SORCS3: variants seen among roughly 807,000 people sequenced by gnomAD.
SORCS3 encodes VPS10 domain-containing receptor SorCS3.
In SORCS3, 57 loss-of-function variants were observed where a neutral mutation model predicts 146.3. The ratio of observed to expected loss-of-function variants is 0.39; its 90% CI spans 0.31 to 0.49. SORCS3 has a LOEUF of 0.49. Ranked by LOEUF, SORCS3 falls within the 20% of genes least tolerant of loss-of-function variation. SORCS3 has a pLI of 0.92. For missense variants in SORCS3, 1,341 were observed against 1,575.5 expected (o/e 0.85, Z 2.52); for synonymous variants, 653 against 618.5 (o/e 1.06, Z -0.83).
intron 5 of SORCS3, among the ~76,000 whole-genome samples, chr10:105,079,842 G>A (rs1440738842): frequency 6.6e-6 from 1 of 152,162 alleles, no homozygotes; most frequent in Non-Finnish European, 1.5e-5. Flanking sequence ...AGTTTGCTAA[G>A]AAGAATTACC....
chr10:105,247,064 G>A (rs2056870634), intron 21 of SORCS3, among the ~76,000 whole-genome samples, 155 bp from the exon 22 acceptor site: 1 of 152,204 alleles, frequency 6.6e-6, no homozygotes, highest in African/African-American at 2.4e-5. Context: ...TATTTCAGAA[G>A]TCAGGAAACA....
At chr10:105,035,304 T>G (rs1353504021) in intron 4 of SORCS3, among the ~76,000 whole-genome samples, 1 of 152,192 alleles carries the variant, frequency 6.6e-6, no homozygotes, top group Non-Finnish European at 1.5e-5. Context: ...TGCACTTGTG[T>G]TTAAGATCAA....
At chr10:105,105,288 T>C in intron 6 of SORCS3, 109 bp from the exon 7 acceptor site, 4 of 644,966 alleles carry the variant, frequency 6.2e-6, no homozygotes, top group Non-Finnish European at 1.1e-5. Context: ...CTCACTGTTA[T>C]TTTAAATTAC....
chr10:104,726,831 C>A (rs1281706938), intron 1 of SORCS3, among the ~76,000 whole-genome samples: 1 of 152,148 alleles, frequency 6.6e-6, no homozygotes, highest in African/African-American at 2.4e-5. Context: ...GCTTCTCCCC[C>A]AGAATAGGAC....
At chr10:105,072,977 C>T (rs1330963976) in intron 5 of SORCS3, among the ~76,000 whole-genome samples, 1 of 152,142 alleles carries the variant, frequency 6.6e-6, no homozygotes, top group Non-Finnish European at 1.5e-5. Flanking sequence ...GTTATTCCCT[C>T]TTCAGAGACA....
chr10:104,673,566 T>G (rs1389200265), intron 1 of SORCS3, among the ~76,000 whole-genome samples: 1 of 151,940 alleles, frequency 6.6e-6, no homozygotes, highest in Non-Finnish European at 1.5e-5. Context: ...TGGGGACAAG[T>G]GATCCTCCTG....
chr10:104,919,076 G>C (rs1197963898), intron 3 of SORCS3, among the ~76,000 whole-genome samples: 1 of 152,222 alleles, frequency 6.6e-6, no homozygotes, highest in Non-Finnish European at 1.5e-5. Context: ...GGCAGATTCT[G>C]TGGGTTGGAA....
intron 3 of SORCS3, among the ~76,000 whole-genome samples, chr10:104,970,222 C>A (rs2054852258): frequency 6.6e-6 from 1 of 152,106 alleles, no homozygotes; most frequent in Admixed American, 6.5e-5. Flanking sequence ...TCTTGGCTCA[C>A]TGCAACCTCC....
At chr10:104,789,509 C>T (rs1013239908) in intron 1 of SORCS3, among the ~76,000 whole-genome samples, 12 of 152,178 alleles carry the variant, frequency 7.9e-5, no homozygotes, top group Admixed American at 2.6e-4. Context: ...ACACATCTCT[C>T]CCTGGGCTTT....
At chr10:105,111,694 C>T (rs1331380876) in intron 7 of SORCS3, among the ~76,000 whole-genome samples, 1 of 152,146 alleles carries the variant, frequency 6.6e-6, no homozygotes, top group Non-Finnish European at 1.5e-5. Context: ...ATACATTCAG[C>T]CCAGTGGGAA....
chr10:104,839,145 C>T (rs763829286), intron 1 of SORCS3, among the ~76,000 whole-genome samples: 3 of 152,116 alleles, frequency 2.0e-5, no homozygotes, highest in Non-Finnish European at 2.9e-5. Context: ...ATATGCTGAG[C>T]CTGTGAAGGA....
intron 8 of SORCS3, 130 bp downstream of exon 8, chr10:105,139,616 C>G: frequency 3.0e-6 from 2 of 666,204 alleles, no homozygotes; most frequent in South Asian, 3.9e-5. Context: ...CACTCACCAC[C>G]AAGTCGTTTG....
intron 1 of SORCS3, chr10:104,665,413 C>T (rs1371452474): frequency 6.6e-6 from 1 of 152,082 alleles, no homozygotes; most frequent in Non-Finnish European, 1.5e-5. Context: ...CCAAGGGAGA[C>T]CTTTTATGGA....
At chr10:105,218,655 A>T (rs1441980579) in intron 19 of SORCS3, among the ~76,000 whole-genome samples, 2 of 152,210 alleles carry the variant, frequency 1.3e-5, no homozygotes, top group Non-Finnish European at 2.9e-5. Context: ...TTGAATTCTG[A>T]TCACATTCCT....
At chr10:105,262,947 G>C (rs1334365976) in intron 26 of SORCS3, among the ~76,000 whole-genome samples, 1 of 152,112 alleles carries the variant, frequency 6.6e-6, no homozygotes, top group Non-Finnish European at 1.5e-5. Context: ...TTCTATTTCT[G>C]TGTAGTACCT....
At chr10:104,999,071 A>C (rs755146284) in intron 4 of SORCS3, among the ~76,000 whole-genome samples, 3 of 151,894 alleles carry the variant, frequency 2.0e-5, no homozygotes, top group Non-Finnish European at 4.4e-5. Flanking sequence ...GTGTAGATGC[A>C]TGCCCTCATG....
At chr10:104,921,327 A>C (rs1017143746) in intron 3 of SORCS3, among the ~76,000 whole-genome samples, 3 of 152,172 alleles carry the variant, frequency 2.0e-5, no homozygotes, top group Non-Finnish European at 4.4e-5. Context: ...TGAATCTTTG[A>C]GTGGACAGAG....
At chr10:104,947,282 C>T (rs2133623158) in intron 3 of SORCS3, among the ~76,000 whole-genome samples, 1 of 152,162 alleles carries the variant, frequency 6.6e-6, no homozygotes, top group Admixed American at 6.5e-5. Flanking sequence ...AAGCAGGGTC[C>T]ATGCATTCTG....
intron 1 of SORCS3, among the ~76,000 whole-genome samples, chr10:104,716,690 A>G (rs1201045330): frequency 6.6e-6 from 1 of 152,206 alleles, no homozygotes; most frequent in Non-Finnish European, 1.5e-5. Flanking sequence ...ACAAGAAATC[A>G]TCTTAATTCC....
Sources: gnomAD v4.1 joint callset for allele counts (sites outside exome capture counted in the v4.1 genomes callset) on GRCh38, gnomAD v4.1.1 for gene constraint, MANE v1.5 for transcripts, NCBI Gene and HGNC (gene_info 2026-07-23, HGNC 2026-07-21) for gene names.